TIAM1: variants seen among roughly 807,000 people sequenced by gnomAD.
TIAM1 encodes the protein TIAM Rac1 associated GEF 1, also known as rho guanine nucleotide exchange factor TIAM1.
A neutral mutation model predicts 163.5 loss-of-function variants in TIAM1; 65 were observed. The ratio of observed to expected loss-of-function variants is 0.40; its 90% CI spans 0.33 to 0.49. TIAM1 has a LOEUF of 0.49. Among genes scored for constraint, TIAM1 ranks in the 20% least tolerant of loss-of-function variants. The probability of loss-of-function intolerance (pLI) is 0.77; values close to 1 mark genes in which losing one functional copy is unlikely to be tolerated. For synonymous variants in TIAM1, 833 were observed against 810.1 expected (o/e 1.03, Z -0.48); for missense variants, 1,789 against 2,044.7 (o/e 0.87, Z 2.41).
At chr21:31,333,383 G>T (rs2075739540) in intron 2 of TIAM1, among the ~76,000 whole-genome samples, 1 of 152,092 alleles carries the variant, frequency 6.6e-6, no homozygotes, top group Non-Finnish European at 1.5e-5. Flanking sequence ...CCTCTCATTT[G>T]AACCCTTCTA....
chr21:31,318,300 TCA>T (rs2147017283), intron 2 of TIAM1, among the ~76,000 whole-genome samples: 1 of 152,316 alleles, frequency 6.6e-6, no homozygotes, highest in African/African-American at 2.4e-5. Context: ...AGAAAGGGTT[TCA>T]CCATGTTGGC....
In TIAM1 at chr21:31,446,224, AG is replaced by A. The variant is rs1185077789; in HGVS notation, c.-369+17758del. Among the ~76,000 whole-genome samples, 4 of 47,912 alleles carry A rather than the reference AG, an allele frequency of 8.3e-5. No homozygotes were observed. In the East Asian group the frequency reaches 5.0e-3, roughly 60 times the overall value. The allele number at this position is 47,912 out of a possible 152,430, so 31.4% of individuals were successfully genotyped here. On this transcript the variant is annotated intron_variant, in intron 2 of 28. Transcript: ENST00000286827. ...CCAAAGTTCTGGGATTACAGGTGTG[AG>A]CCACCTCGCCCTGCCACTGTGTTTG...
chr21:31,528,620 T>A (rs567054529), intron 1 of TIAM1, among the ~76,000 whole-genome samples: 1 of 151,416 alleles, frequency 6.6e-6, no homozygotes, highest in Admixed American at 6.6e-5. Context: ...CTGGGCAACA[T>A]GGTGAAACCC....
chr21:31,366,018 T>G (rs1602105601), intron 2 of TIAM1, among the ~76,000 whole-genome samples: 2 of 125,602 alleles, frequency 1.6e-5, no homozygotes, highest in African/African-American at 3.1e-5. Flanking sequence ...ACCCGGGAGG[T>G]GGAGGTTGCA....
intron 25 of TIAM1, 132 bp from the exon 26 acceptor site, chr21:31,127,284 C>A (rs771751407): frequency 5.1e-6 from 4 of 779,026 alleles, no homozygotes; most frequent in Non-Finnish European, 8.2e-6. Context: ...AGATATTTTC[C>A]TACTATTTCA....
chr21:31,133,344 T>C (rs552379782), intron 23 of TIAM1, among the ~76,000 whole-genome samples: 107 of 152,276 alleles, frequency 7.0e-4, no homozygotes, highest in African/African-American at 2.5e-3. Context: ...AGCCTTCAGT[T>C]TTTCTCTTAT....
intron 2 of TIAM1, among the ~76,000 whole-genome samples, chr21:31,309,869 C>A (rs566174686): frequency 6.6e-6 from 1 of 152,336 alleles, no homozygotes; most frequent in Non-Finnish European, 1.5e-5. Context: ...GAAGAAAAGT[C>A]TCCAGCATTT....
rs2082841998 is a variant in TIAM1 at position 31,141,462 on chromosome 21, T to G, written c.3518A>C (p.Asn1173Thr). ...TAFKAFLDAQ[N>T]PKQQHSSTLE... ...CGTGGATGAGTGCTGCTGCTTCGGG[T>G]TCTGGGCATCCAAGAATGCCTTGAA... is the stretch of plus-strand genomic sequence containing the variant. The change falls in exon 21 of 28, where the codon AAC (asparagine) becomes ACC (threonine). Residue 1173 changes from asparagine (N) to threonine (T), a missense_variant. Physicochemically the swap from Asn to Thr is moderately conservative, Grantham distance 65. This residue lies in a region of TIAM1 where 60 missense variants were observed against 132.6 expected (regional missense o/e 0.45). Transcript: ENST00000541036. This position sits in a 1 kb window ranked among gnomAD's most constrained non-coding sequence, Gnocchi z 4.7. 1 of 1,614,046 alleles carries G rather than the reference T, an allele frequency of 6.2e-7. No individual in the cohort carries two copies. Among genetic ancestry groups the G allele is most frequent in the African/African-American group, 1.3e-5 (1 of 74,914 alleles).
intron 1 of TIAM1, among the ~76,000 whole-genome samples, chr21:31,511,877 A>T (rs1182902292): frequency 6.6e-6 from 1 of 152,204 alleles, no homozygotes; most frequent in Admixed American, 6.5e-5. Flanking sequence ...TTAATTTGAG[A>T]ATCTATTTGA....
intron 1 of TIAM1, among the ~76,000 whole-genome samples, chr21:31,533,162 A>G (rs1220011372): frequency 6.6e-6 from 1 of 151,894 alleles, no homozygotes; most frequent in Non-Finnish European, 1.5e-5. Context: ...CTCTACTAAA[A>G]CCACAAAAAT....
At chr21:31,465,791 C>CA (rs2045508610) in intron 1 of TIAM1, among the ~76,000 whole-genome samples, 2 of 152,274 alleles carry the variant, frequency 1.3e-5, no homozygotes, top group South Asian at 4.1e-4. Flanking sequence ...TGGATGGTCT[C>CA]AATCTCCTGA....
At chr21:31,250,656 C>T (rs1301252006) in intron 5 of TIAM1, among the ~76,000 whole-genome samples, 1 of 152,196 alleles carries the variant, frequency 6.6e-6, no homozygotes, top group Non-Finnish European at 1.5e-5. Context: ...TCCATCAATC[C>T]TGTTGACCTA....
chr21:31,135,817 C>G (rs1191975620), intron 23 of TIAM1, 116 bp downstream of exon 23: 1 of 916,828 alleles, frequency 1.1e-6, no homozygotes, highest in East Asian at 2.6e-5. Context: ...AAGACCGATT[C>G]AAGTAACTGC....
upstream of TIAM1, among the ~76,000 whole-genome samples, chr21:31,347,158 A>G (rs115060867): frequency 0.032 from 4,926 of 152,268 alleles, 126 homozygotes; most frequent in African/African-American, 0.077. Context: ...TCTAGAGAAG[A>G]ATAACTTGAG....
intron 1 of TIAM1, among the ~76,000 whole-genome samples, chr21:31,467,991 C>T (rs2045592539): frequency 6.6e-6 from 1 of 150,892 alleles, no homozygotes; most frequent in Non-Finnish European, 1.5e-5. Context: ...GAGACTGAGG[C>T]AGGAGAATTG....
chr21:31,520,331 C>CAAA (rs776959924), intron 1 of TIAM1, among the ~76,000 whole-genome samples: 1 of 76,080 alleles, frequency 1.3e-5, no homozygotes. Flanking sequence ...AACTCTGTCT[C>CAAA]AAAAAAAAAA....
At chr21:31,552,361 C>A (rs1177172924) in intron 1 of TIAM1, among the ~76,000 whole-genome samples, 3 of 152,064 alleles carry the variant, frequency 2.0e-5, no homozygotes, top group Admixed American at 1.3e-4. Context: ...TAAACTAGAT[C>A]ATTACTACTG....
intron 20 of TIAM1, among the ~76,000 whole-genome samples, chr21:31,143,722 C>T (rs972181419): frequency 1.3e-5 from 2 of 151,008 alleles, no homozygotes; most frequent in Non-Finnish European, 2.9e-5. Flanking sequence ...GAACATGATT[C>T]TTCTGTCTTT....
intron 9 of TIAM1, among the ~76,000 whole-genome samples, chr21:31,214,955 T>C (rs559266683): frequency 1.3e-5 from 2 of 152,174 alleles, no homozygotes; most frequent in Admixed American, 1.3e-4. Flanking sequence ...CCATTTCAAA[T>C]TATAGAATTA....
Sources: gnomAD v4.1 joint callset for allele counts (sites outside exome capture counted in the v4.1 genomes callset) on GRCh38, gnomAD v4.1.1 for gene constraint, gnomAD v4.1.1 regional missense constraint, Gnocchi (gnomAD v3.1) non-coding constraint, MANE v1.5 for transcripts, NCBI Gene and HGNC (gene_info 2026-07-23, HGNC 2026-07-21) for gene names.